The following CTNNA2 variants were observed in gnomAD, a reference collection of about 807,000 sequenced individuals.
The protein encoded by CTNNA2 is catenin alpha-2.
In CTNNA2, 42 loss-of-function variants were observed where a neutral mutation model predicts 101.0. The observed-to-expected ratio is 0.42, with a 90% confidence interval of 0.32 to 0.54. The LOEUF (loss-of-function observed/expected upper bound fraction) is 0.54, where lower values mean the gene tolerates loss of function less well. Ranked by LOEUF, CTNNA2 falls within the 20% of genes least tolerant of loss-of-function variation. The pLI is 0.14. For synonymous variants in CTNNA2, 450 were observed against 456.4 expected (o/e 0.99, Z 0.18); for missense variants, 871 against 1,223.1 (o/e 0.71, Z 4.29).
intron 12 of CTNNA2, among the ~76,000 whole-genome samples, chr2:80,571,716 A>C (rs575823705): frequency 6.6e-6 from 1 of 152,116 alleles, no homozygotes; most frequent in Admixed American, 6.5e-5. Flanking sequence ...CTGTCCCCTG[A>C]CTCACATCCC....
At chr2:80,547,690 C>CTTTTTTT (rs61186189) in intron 11 of CTNNA2, among the ~76,000 whole-genome samples, 44,586 of 120,314 alleles carry the variant, frequency 0.37, 8,985 homozygotes, top group South Asian at 0.49. Context: ...GTCACTTCTG[C>CTTTTTTT]TTTTTTTTTT....
chr2:79,638,227 C>G (rs1680211402), intron 1 of CTNNA2, among the ~76,000 whole-genome samples: 1 of 152,158 alleles, frequency 6.6e-6, no homozygotes, highest in Admixed American at 6.5e-5. Context: ...ACAAAATTAA[C>G]AGGCCTCATT....
intron 3 of CTNNA2, among the ~76,000 whole-genome samples, chr2:79,350,811 C>T (rs559945071): frequency 6.6e-6 from 1 of 152,242 alleles, no homozygotes; most frequent in African/African-American, 2.4e-5. Flanking sequence ...TGTTTTTTGA[C>T]TTACTAATAA....
intron 7 of CTNNA2, among the ~76,000 whole-genome samples, chr2:79,917,083 A>T (rs7590784): frequency 0.6 from 90,433 of 150,712 alleles, 27,377 homozygotes; most frequent in East Asian, 0.75. Context: ...TTATTTATTT[A>T]TTTTTTTGAG....
chr2:79,931,619 A>G (rs1687447083), intron 7 of CTNNA2, among the ~76,000 whole-genome samples: 1 of 152,190 alleles, frequency 6.6e-6, no homozygotes, highest in Non-Finnish European at 1.5e-5. Context: ...TTTCCTCAAC[A>G]ATGGCACAGA....
chr2:79,709,297 G>A (rs181922395), intron 2 of CTNNA2, among the ~76,000 whole-genome samples: 1 of 152,192 alleles, frequency 6.6e-6, no homozygotes, highest in East Asian at 1.9e-4. Context: ...AATATCATCT[G>A]CTTTAAAATT....
chr2:80,446,776 G>T (rs1004267541), intron 9 of CTNNA2, among the ~76,000 whole-genome samples: 3 of 152,042 alleles, frequency 2.0e-5, no homozygotes, highest in African/African-American at 7.2e-5. Flanking sequence ...TCCTATTAAG[G>T]AAAAAATCTA....
intron 3 of CTNNA2, among the ~76,000 whole-genome samples, chr2:79,807,247 T>C (rs1172551793): frequency 6.6e-6 from 1 of 152,210 alleles, no homozygotes; most frequent in Non-Finnish European, 1.5e-5. Flanking sequence ...AGATTCATGA[T>C]TTTTATCCTC....
At chr2:79,264,668 T>A (rs1674967311) in intron 2 of CTNNA2, among the ~76,000 whole-genome samples, 1 of 152,116 alleles carries the variant, frequency 6.6e-6, no homozygotes. Flanking sequence ...GGATGGTGAC[T>A]TTTTTCAAAA....
At chr2:79,839,030 T>A (rs186085775) in intron 3 of CTNNA2, among the ~76,000 whole-genome samples, 300 of 152,188 alleles carry the variant, frequency 2.0e-3, no homozygotes, top group African/African-American at 7.0e-3. Flanking sequence ...TTTATACATA[T>A]TAATTTATTA....
chr2:80,568,128 A>T (rs1176590550), intron 12 of CTNNA2, among the ~76,000 whole-genome samples: 2 of 152,192 alleles, frequency 1.3e-5, no homozygotes, highest in Non-Finnish European at 2.9e-5. Context: ...CTTCTGAAGA[A>T]GCAGAGTCCT....
chr2:80,010,842 T>C (rs527367102), intron 7 of CTNNA2, among the ~76,000 whole-genome samples: 1 of 152,256 alleles, frequency 6.6e-6, no homozygotes, highest in African/African-American at 2.4e-5. Context: ...GAATACATTT[T>C]TGCAACTTTT....
chr2:80,212,118 C>T (rs529654777), intron 7 of CTNNA2, among the ~76,000 whole-genome samples: 109 of 152,184 alleles, frequency 7.2e-4, no homozygotes, highest in South Asian at 3.1e-3. Context: ...AGATTTTGGG[C>T]GGAGACAATG....
At chr2:79,475,306 T>A (rs1409194957) in intron 4 of CTNNA2, among the ~76,000 whole-genome samples, 1 of 152,156 alleles carries the variant, frequency 6.6e-6, no homozygotes, top group Non-Finnish European at 1.5e-5. Flanking sequence ...AGCCGGAAAC[T>A]TGTCTCCTAG....
chr2:80,000,318 G>T (rs1158329082), intron 7 of CTNNA2, among the ~76,000 whole-genome samples: 1 of 152,098 alleles, frequency 6.6e-6, no homozygotes, highest in Non-Finnish European at 1.5e-5. Context: ...ATTGTTTGAG[G>T]CATGAAATGA....
chr2:79,405,706 G>A (rs1678334000), intron 4 of CTNNA2, among the ~76,000 whole-genome samples: 1 of 152,018 alleles, frequency 6.6e-6, no homozygotes, highest in Non-Finnish European at 1.5e-5. Flanking sequence ...GTTATTATAT[G>A]TGTATACCAT....
chr2:80,514,715 G>A (rs781207041), intron 9 of CTNNA2, among the ~76,000 whole-genome samples: 5 of 151,996 alleles, frequency 3.3e-5, no homozygotes, highest in Admixed American at 6.6e-5. Flanking sequence ...AAGTCCAGCC[G>A]TCCCTCTGAA....
At chr2:80,493,953 C>T (rs1687249786) in intron 9 of CTNNA2, among the ~76,000 whole-genome samples, 1 of 152,246 alleles carries the variant, frequency 6.6e-6, no homozygotes, top group African/African-American at 2.4e-5. Flanking sequence ...CCTTTGTAAA[C>T]AGTGGAATGG....
At chr2:80,351,805 C>T (rs1673325928) in intron 7 of CTNNA2, among the ~76,000 whole-genome samples, 1 of 152,068 alleles carries the variant, frequency 6.6e-6, no homozygotes, top group Non-Finnish European at 1.5e-5. Flanking sequence ...CTAATTTTAT[C>T]TTTTTTCCAT....
Sources: allele counts gnomAD v4.1 joint callset (sites outside exome capture counted in the v4.1 genomes callset), GRCh38; gene constraint gnomAD v4.1.1; transcripts MANE v1.5; gene names NCBI Gene and HGNC (gene_info 2026-07-23, HGNC 2026-07-21).